Variants in ZEB1 observed in about 807,000 individuals in gnomAD.
ZEB1 encodes zinc finger E-box-binding homeobox 1.
ZEB1 carries 21 observed loss-of-function variants against 84.9 expected under a neutral mutation model. That is an observed-to-expected ratio of 0.25 (90% CI 0.18 to 0.36). The LOEUF is 0.36. ZEB1 is among the 10% of genes least tolerant of loss of function. The probability of loss-of-function intolerance (pLI) is 1.00; values close to 1 mark genes in which losing one functional copy is unlikely to be tolerated. For synonymous variants in ZEB1, 420 were observed against 471.1 expected, an observed-to-expected ratio of 0.89 and a Z score of 1.41; for missense variants, 1,104 against 1,330.2, an observed-to-expected ratio of 0.83 and a Z score of 2.65.
intron 3 of ZEB1, among the ~76,000 whole-genome samples, chr10:31,497,546 T>C (rs1236174414): frequency 6.6e-6 from 1 of 152,182 alleles, no homozygotes; most frequent in Non-Finnish European, 1.5e-5. Context: ...CCAGTGAGTG[T>C]AGCTTTAAAA....
intron 8 of ZEB1, 120 bp from the exon 9 acceptor site, chr10:31,526,552 T>C: frequency 7.9e-7 from 1 of 1,262,858 alleles, no homozygotes. Flanking sequence ...GACCTGGAAA[T>C]GTTTTAAAAA....
At chr10:31,438,774 T>C (rs2058563298) in intron 1 of ZEB1, among the ~76,000 whole-genome samples, 2 of 152,320 alleles carry the variant, frequency 1.3e-5, no homozygotes, top group Middle Eastern at 6.8e-3. Flanking sequence ...AGCCTAGCAG[T>C]ACACAGGTGC....
chr10:31,361,222 C>G, intron 1 of ZEB1: 1 of 1,610,616 alleles, frequency 6.2e-7, no homozygotes, highest in Non-Finnish European at 8.5e-7. Flanking sequence ...AGGACGCAGT[C>G]TTGCTCTGTC....
At chr10:31,381,450 T>C (rs530488607) in intron 1 of ZEB1, among the ~76,000 whole-genome samples, 3 of 152,184 alleles carry the variant, frequency 2.0e-5, no homozygotes, top group Non-Finnish European at 4.4e-5. Context: ...TTTGAAACAA[T>C]TTTAAGATTC....
At chr10:31,508,581 C>G (rs895195641) in intron 4 of ZEB1, among the ~76,000 whole-genome samples, 1 of 152,114 alleles carries the variant, frequency 6.6e-6, no homozygotes, top group African/African-American at 2.4e-5. Flanking sequence ...TGGGTCATCC[C>G]CACGTCCCTG....
At chr10:31,374,148 G>T (rs1241567718) in intron 1 of ZEB1, among the ~76,000 whole-genome samples, 3 of 151,774 alleles carry the variant, frequency 2.0e-5, no homozygotes, top group Non-Finnish European at 4.4e-5. Flanking sequence ...ATTAATAATA[G>T]ATTATAATTC....
intron 1 of ZEB1, among the ~76,000 whole-genome samples, chr10:31,455,400 A>G (rs1308297132): frequency 1.3e-5 from 2 of 152,234 alleles, no homozygotes; most frequent in African/African-American, 2.4e-5. Flanking sequence ...ACAGAAGCCA[A>G]AATTGACAAA....
intron 1 of ZEB1, among the ~76,000 whole-genome samples, chr10:31,409,999 A>ATTTC (rs1265521544): frequency 6.6e-6 from 1 of 152,078 alleles, no homozygotes; most frequent in African/African-American, 2.4e-5. Context: ...AATACCTTTT[A>ATTTC]TTTCTTTCTC....
At position 31,520,104 on chromosome 10, in the gene ZEB1, ATTTG is replaced by A. The variant is rs760495450; in HGVS notation, c.794-6_794-3del. ...TATATGTAATAATTCAGTGAATATA[ATTTG>A]TTTGTTTGTTTGTTTAGGAGAGAAG... On this transcript the variant is annotated intron_variant, in intron 6 of 8. Transcript: ENST00000424869. This position sits in a 1 kb window ranked among gnomAD's most constrained non-coding sequence, Gnocchi z 5.1. The A allele has an allele frequency of 3.3e-5, 53 of 1,611,176 alleles. No homozygotes were observed. Among genetic ancestry groups the A allele is most frequent in the Middle Eastern group, 1.7e-4 (1 of 6,060 alleles).
intron 1 of ZEB1, chr10:31,358,717 C>T (rs1590249005): frequency 6.6e-6 from 1 of 152,048 alleles, no homozygotes; most frequent in African/African-American, 2.4e-5. Flanking sequence ...TAAAAATTTT[C>T]TGTGTAGAAA....
chr10:31,480,123 A>G (rs2064847771), intron 2 of ZEB1, among the ~76,000 whole-genome samples: 1 of 151,998 alleles, frequency 6.6e-6, no homozygotes, highest in African/African-American at 2.4e-5. Context: ...CTATTTCTTA[A>G]TGTTTTGCAA....
chr10:31,427,771 A>G (rs778651673), intron 1 of ZEB1, among the ~76,000 whole-genome samples: 16 of 151,768 alleles, frequency 1.1e-4, no homozygotes, highest in Non-Finnish European at 2.4e-4. Context: ...AGGCAGGAGA[A>G]TGGCATGAAC....
intron 1 of ZEB1, among the ~76,000 whole-genome samples, chr10:31,422,747 T>C (rs1049343618): frequency 6.6e-6 from 1 of 152,110 alleles, no homozygotes; most frequent in Non-Finnish European, 1.5e-5. Flanking sequence ...GCTAAGGTTT[T>C]GGGTGCAAAT....
At position 31,524,563 on chromosome 10, in the gene ZEB1, G is replaced by T. The variant is rs113167908; in HGVS notation, c.2785+450G>T. On this transcript the variant is annotated intron_variant, in intron 8 of 8. Coordinates refer to ENST00000424869, the MANE Select transcript of ZEB1 (RefSeq NM_001174096.2). The stretch of plus-strand genomic sequence containing the variant: ...CTGATCTGGCCATTTTCACCTGTTT[G>T]CCCACTTCTACCTAGTACTTAAGGT... 1.9e-3 allele frequency among the ~76,000 whole-genome samples: 284 copies of T among 152,038 alleles called. 6 individuals are homozygous for T. Among genetic ancestry groups the T allele is most frequent in the African/African-American group, 6.6e-3 (274 of 41,496 alleles).
At chr10:31,455,721 C>G (rs2061130912) in intron 1 of ZEB1, among the ~76,000 whole-genome samples, 1 of 152,162 alleles carries the variant, frequency 6.6e-6, no homozygotes, top group South Asian at 2.1e-4. Flanking sequence ...CCATCTCACA[C>G]CAGTTAGAAT....
At chr10:31,412,737 G>C (rs1220139658) in intron 1 of ZEB1, among the ~76,000 whole-genome samples, 1 of 152,056 alleles carries the variant, frequency 6.6e-6, no homozygotes, top group Admixed American at 6.6e-5. Flanking sequence ...TATTTCCTTG[G>C]TTTCAGTCCA....
At chr10:31,383,290 G>A (rs925056600) in intron 1 of ZEB1, among the ~76,000 whole-genome samples, 1 of 152,040 alleles carries the variant, frequency 6.6e-6, no homozygotes, top group African/African-American at 2.4e-5. Context: ...TTAAAATGTG[G>A]CTAGGGCAAC....
At chr10:31,516,539 T>TAAAAAAAAAAAAAAAAAAA (rs71027029) in intron 6 of ZEB1, among the ~76,000 whole-genome samples, 1 of 34,030 alleles carries the variant, frequency 2.9e-5, no homozygotes, top group Admixed American at 5.2e-4. Flanking sequence ...TGTCTGTAAG[T>TAAAAAAAAAAAAAAAAAAA]AAAAAAAAAA....
At chr10:31,476,350 G>A (rs927484102) in intron 2 of ZEB1, among the ~76,000 whole-genome samples, 1 of 152,076 alleles carries the variant, frequency 6.6e-6, no homozygotes, top group Non-Finnish European at 1.5e-5. Flanking sequence ...GCACAAACTA[G>A]ATAACCTAGA....
Sources: gnomAD v4.1 joint callset for allele counts (sites outside exome capture counted in the v4.1 genomes callset) on GRCh38, gnomAD v4.1.1 for gene constraint, Gnocchi (gnomAD v3.1) non-coding constraint, MANE v1.5 for transcripts, NCBI Gene and HGNC (gene_info 2026-07-23, HGNC 2026-07-21) for gene names.